The following ZNF493 variants were observed in gnomAD, a reference collection of about 807,000 sequenced individuals.
The protein encoded by ZNF493 is zinc finger protein 493.
A neutral mutation model predicts 12.2 loss-of-function variants in ZNF493; 11 were observed. The observed-to-expected ratio is 0.90, with a 90% CI of 0.57 to 1.50. The LOEUF is 1.50. ZNF493 is among the 40% of genes most tolerant of loss of function. ZNF493 has a pLI of 0.00. For missense variants in ZNF493, 950 were observed against 906.6 expected, an observed-to-expected ratio of 1.05 and a Z score of -0.61; for synonymous variants, 286 against 302.6, an observed-to-expected ratio of 0.95 and a Z score of 0.57.
intron 3 of ZNF493, among the ~76,000 whole-genome samples, chr19:21,420,606 TATATATATATATATA>T (rs2030632421): frequency 1.2e-4 from 2 of 16,300 alleles, no homozygotes; most frequent in Admixed American, 4.2e-4. Context: ...TATATATATA[TATATATATATATATA>T]TATTTTTTTT....
chr19:21,397,314 C>T (rs777212416), intron 1 of ZNF493, 47 bp downstream of exon 1: 23 of 1,612,536 alleles, frequency 1.4e-5, no homozygotes, highest in African/African-American at 4.0e-5. Context: ...AGGAGTTGCT[C>T]GGAACCGGTG....
Position 21,422,922 on chromosome 19 carries a change from C to T in ZNF493, c.263C>T (p.Ser88Phe). Residue 88 changes from serine (S) to phenylalanine (F), a missense_variant, in exon 4 of 4, where the codon TCT becomes TTT. Physicochemically the swap from Ser to Phe is radical, Grantham distance 155. Transcript: ENST00000392288. ...TTTTTATTTCTTTCAGTTATATGTT[C>T]TCATTTTGCTGAAGACTTTTGCCCA... ...STVVKPPVICSHFAEDFCPGP... is the reference protein window; with the variant it reads ...STVVKPPVICFHFAEDFCPGP... 1 of 1,549,958 alleles carries T rather than the reference C, an allele frequency of 6.5e-7. No individual in the cohort carries two copies. The highest frequency in any genetic ancestry group is 8.7e-7 in the Non-Finnish European group (1 of 1,153,542).
chr19:21,408,034 G>C, intron 3 of ZNF493: 1 of 984,418 alleles, frequency 1.0e-6, no homozygotes, highest in Non-Finnish European at 1.2e-6. Flanking sequence ...GTTGTAACTT[G>C]GTTGCAAGGC....
intron 2 of ZNF493, chr19:21,405,477 T>C: frequency 7.3e-7 from 1 of 1,366,060 alleles, no homozygotes; most frequent in Non-Finnish European, 9.4e-7. Context: ...TCCTTCACTC[T>C]ACAGTAGTGG....
intron 3 of ZNF493, among the ~76,000 whole-genome samples, chr19:21,422,018 G>A (rs898785962): frequency 6.6e-6 from 1 of 152,090 alleles, no homozygotes; most frequent in African/African-American, 2.4e-5. Context: ...GCTAAGTTTT[G>A]TATTTTCAGT....
At chr19:21,412,771 T>C in intron 3 of ZNF493, 1 of 268,468 alleles carries the variant, frequency 3.7e-6, no homozygotes. Context: ...CTTGGGATGC[T>C]TTAAATATTT....
intron 1 of ZNF493, among the ~76,000 whole-genome samples, chr19:21,404,752 G>A (rs1292930176): frequency 6.7e-6 from 1 of 150,324 alleles, no homozygotes; most frequent in Non-Finnish European, 1.5e-5. Flanking sequence ...CCAGTTTACT[G>A]TTCACATTAA....
At chr19:21,397,986 A>G (rs979961648) in intron 1 of ZNF493, 1 of 151,844 alleles carries the variant, frequency 6.6e-6, no homozygotes, top group East Asian at 1.9e-4. Flanking sequence ...TTTTTTTTTT[A>G]AAGTAAGAAT....
chr19:21,425,115 T>G lies in ZNF493; in HGVS notation c.*131T>G. 8.9e-7 allele frequency: 1 copy of G among 1,118,434 alleles called. No individual in the cohort carries two copies. Among genetic ancestry groups the G allele is most frequent in the South Asian group, 1.3e-5 (1 of 77,358 alleles). 69.3% of individuals were successfully genotyped at this position (1,118,434 alleles called of 1,614,324 possible). On this transcript the variant is annotated 3_prime_UTR_variant, in exon 4 of 4. Transcript: ENST00000392288. ...AGAGAAACCCTACAAATGTGAAGAA[T>G]GTGGCAAAGATTTCTATTGATTCTC...
At position 21,424,619 on chromosome 19, in the gene ZNF493, C is replaced by G. The variant is rs2030799912; in HGVS notation, c.1960C>G (p.Gln654Glu). 1 of 1,598,750 alleles carries G rather than the reference C, an allele frequency of 6.3e-7. No homozygotes were observed. The highest frequency in any genetic ancestry group is 8.5e-7 in the Non-Finnish European group (1 of 1,174,250). Reference protein sequence around the residue: ...LAGHKQIHSVQKPYKCEECGK... With the variant: ...LAGHKQIHSVEKPYKCEECGK... ...TGGGCACAAGCAAATTCATAGTGTACAAAAACCCTACAAATGTGAAGAATG... is the reference window on the plus strand; with the variant it reads ...TGGGCACAAGCAAATTCATAGTGTAGAAAAACCCTACAAATGTGAAGAATG... Residue 654 changes from glutamine to glutamate, a missense_variant, in exon 4 of 4, where the codon CAA (glutamine) becomes GAA (glutamate). By Grantham distance (29) the Gln-to-Glu change is conservative (BLOSUM62 2). Coordinates refer to ENST00000392288, the MANE Select transcript of ZNF493 (RefSeq NM_001076678.3).
chr19:21,410,407 G>T (rs2030285630), intron 3 of ZNF493, among the ~76,000 whole-genome samples: 1 of 152,046 alleles, frequency 6.6e-6, no homozygotes, highest in Admixed American at 6.6e-5. Flanking sequence ...ATTGTAATGG[G>T]TGTGAGGCAA....
chr19:21,401,414 AT>A (rs2029939418), intron 1 of ZNF493, among the ~76,000 whole-genome samples: 1 of 151,770 alleles, frequency 6.6e-6, no homozygotes, highest in South Asian at 2.1e-4. Flanking sequence ...CAAGGTTTCT[AT>A]TTTTTTGTTT....
At position 21,405,028 on chromosome 19, in the gene ZNF493, G is replaced by C. The variant is rs189126391; in HGVS notation, c.31-101G>C. Reference sequence around the variant, plus strand: ...TTCAGTCATTCCTGTAAGTCAGAACGAATTTTCTTTACTTTCTCATTTGAC... The same window carrying C: ...TTCAGTCATTCCTGTAAGTCAGAACCAATTTTCTTTACTTTCTCATTTGAC... On this transcript the variant is annotated intron_variant, in intron 1 of 3. Transcript: ENST00000392288. 4.3e-3 allele frequency: 6,428 copies of C among 1,511,894 alleles called. 44 individuals carry two copies. The highest frequency in any genetic ancestry group is 0.017 in the South Asian group (1,259 of 73,610). The allele number at this position is 1,511,894 out of a possible 1,614,324, so 93.7% of individuals were successfully genotyped here. A position where few individuals can be genotyped will look rare whatever the true frequency, so the allele number is the denominator to read the frequency against.
intron 3 of ZNF493, among the ~76,000 whole-genome samples, chr19:21,422,102 G>C (rs2562415): frequency 0.94 from 143,355 of 152,276 alleles, 67,716 homozygotes; most frequent in Middle Eastern, 1. Context: ...CCTAGGCCTC[G>C]CAAAGTGCTG....
chr19:21,416,168 T>C (rs28778137), intron 3 of ZNF493, among the ~76,000 whole-genome samples: 28,058 of 151,608 alleles, frequency 0.19, 2,481 homozygotes, highest in Non-Finnish European at 0.23. Flanking sequence ...TAACAATGGC[T>C]GCCATCAAAA....
At chr19:21,412,572 G>T (rs1312958212) in intron 3 of ZNF493, 1 of 157,654 alleles carries the variant, frequency 6.3e-6, no homozygotes, top group Non-Finnish European at 1.4e-5. Context: ...AGGCAGCTTT[G>T]TCACGGTGAG....
At chr19:21,418,630 G>A (rs1049761646) in intron 3 of ZNF493, among the ~76,000 whole-genome samples, 17 of 152,114 alleles carry the variant, frequency 1.1e-4, no homozygotes, top group African/African-American at 4.1e-4. Context: ...GGGAAATCAG[G>A]GGCCTCAGCC....
chr19:21,419,104 CTTG>C (rs2030579377), intron 3 of ZNF493, among the ~76,000 whole-genome samples: 1 of 152,014 alleles, frequency 6.6e-6, no homozygotes, highest in Non-Finnish European at 1.5e-5. Flanking sequence ...TGTGGAAGAC[CTTG>C]GCTTGTTAGC....
chr19:21,400,024 T>C (rs536427919), intron 1 of ZNF493, among the ~76,000 whole-genome samples: 1 of 152,324 alleles, frequency 6.6e-6, no homozygotes, highest in Non-Finnish European at 1.5e-5. Context: ...TATGACTCAT[T>C]GTTAACTGCA....
Sources: gnomAD v4.1 joint callset for allele counts (sites outside exome capture counted in the v4.1 genomes callset) on GRCh38, gnomAD v4.1.1 for gene constraint, MANE v1.5 for transcripts, NCBI Gene and HGNC (gene_info 2026-07-23, HGNC 2026-07-21) for gene names.